PLXNA4: variants seen among roughly 807,000 people sequenced by gnomAD.
PLXNA4 encodes the protein plexin A4.
In PLXNA4, 44 loss-of-function variants were observed where a neutral mutation model predicts 191.8. That is an observed-to-expected ratio of 0.23 (90% CI 0.18 to 0.29). The LOEUF is 0.29. PLXNA4 is among the 10% of genes least tolerant of loss of function. PLXNA4 has a pLI of 1.00. For synonymous variants in PLXNA4, 1,082 were observed against 1,009.5 expected (o/e 1.07, Z -1.36); for missense variants, 1,800 against 2,488.8 (o/e 0.72, Z 5.89).
chr7:132,470,038 A>T (rs1280208424), intron 3 of PLXNA4, among the ~76,000 whole-genome samples: 1 of 152,206 alleles, frequency 6.6e-6, no homozygotes, highest in Non-Finnish European at 1.5e-5. Context: ...TGCCAGAGCC[A>T]CCAAAAGCCT....
At chr7:132,460,031 T>C (rs156944) in intron 3 of PLXNA4, among the ~76,000 whole-genome samples, 132,000 of 151,750 alleles carry the variant, frequency 0.87, 59,111 homozygotes, top group Non-Finnish European at 0.98. Context: ...AGAATACTTA[T>C]GGCTGTGTAC....
At chr7:132,607,327 C>G (rs962920538) in intron 2 of PLXNA4, among the ~76,000 whole-genome samples, 3 of 152,162 alleles carry the variant, frequency 2.0e-5, no homozygotes, top group Non-Finnish European at 4.4e-5. Context: ...TCCACCTTCT[C>G]CCCCTCCTGC....
rs1257288713 is a variant in PLXNA4 at position 132,407,784 on chromosome 7, C to T, written c.1371+81508G>A. Among the ~76,000 whole-genome samples, 4 of 152,182 alleles carry T rather than the reference C, an allele frequency of 2.6e-5. No individual in the cohort carries two copies. In the East Asian group the frequency reaches 7.7e-4, roughly 29 times the overall value. On this transcript the variant is annotated intron_variant, in intron 3 of 31. Transcript: ENST00000321063. Reference sequence around the variant, plus strand: ...GTTAAATGAAACTGTTTATTCATATCACAATCTCTGCTATGCCACAGAACA... The same window carrying T: ...GTTAAATGAAACTGTTTATTCATATTACAATCTCTGCTATGCCACAGAACA...
chr7:132,187,457 G>A lies in PLXNA4; in HGVS notation c.2993+14C>T. The stretch of plus-strand genomic sequence containing the variant: ...TCCCTCTCTGGTGCTGCAGAAAGGG[G>A]CCCTCTGAGTTACCTGTGGAAGAGA... On this transcript the variant is annotated intron_variant, in intron 15 of 31. Coordinates refer to ENST00000321063, the MANE Select transcript of PLXNA4 (RefSeq NM_020911.2). The A allele has an allele frequency of 6.2e-7, 1 of 1,609,120 alleles. No homozygotes were observed. The highest frequency in any genetic ancestry group is 8.5e-7 in the Non-Finnish European group (1 of 1,177,176).
At chr7:132,516,748 A>G (rs1798957818) in intron 1 of PLXNA4, among the ~76,000 whole-genome samples, 1 of 152,200 alleles carries the variant, frequency 6.6e-6, no homozygotes, top group Non-Finnish European at 1.5e-5. Context: ...ACTTGAGGTC[A>G]GGAGTTTGAG....
intron 2 of PLXNA4, among the ~76,000 whole-genome samples, chr7:132,499,286 A>G (rs1211687781): frequency 1.3e-5 from 2 of 152,262 alleles, no homozygotes; most frequent in East Asian, 3.8e-4. Context: ...CCCTGGGAAT[A>G]GTCTGGACAG....
chr7:132,296,084 G>A (rs1041381554), intron 4 of PLXNA4, among the ~76,000 whole-genome samples: 10 of 152,142 alleles, frequency 6.6e-5, no homozygotes, highest in Admixed American at 2.0e-4. Context: ...AAGCCCAGTG[G>A]AGACCAGTGT....
chr7:132,130,561 A>C lies in PLXNA4; in HGVS notation c.5603T>G (p.Leu1868Arg), dbSNP rs1178197564. The change falls in exon 32 of 32, where the codon CTG (leucine) becomes CGG (arginine). Residue 1868 changes from leucine to arginine, a missense_variant. By Grantham distance (102) the Leu-to-Arg change is moderately radical. Coordinates refer to ENST00000321063, the MANE Select transcript of PLXNA4 (RefSeq NM_020911.2). Reference protein sequence around the residue: ...GKYSEEILGPLDHDDQCGKQK... With the variant: ...GKYSEEILGPRDHDDQCGKQK... Reference sequence around the variant, plus strand: ...CTTCCCACACTGGTCATCGTGGTCCAGAGGTCCAAGGATCTGCGGAAGGGC... The same window carrying C: ...CTTCCCACACTGGTCATCGTGGTCCCGAGGTCCAAGGATCTGCGGAAGGGC... 1 of 1,614,140 alleles carries C rather than the reference A, an allele frequency of 6.2e-7. No individual in the cohort carries two copies.
chr7:132,290,540 C>T (rs186358585), intron 4 of PLXNA4, among the ~76,000 whole-genome samples: 105 of 152,250 alleles, frequency 6.9e-4, no homozygotes, highest in Non-Finnish European at 2.4e-4. Context: ...TATAGACATT[C>T]CCTTGGGGTT....
At chr7:132,628,572 A>AT (rs1803429822) in intron 2 of PLXNA4, among the ~76,000 whole-genome samples, 2 of 144,866 alleles carry the variant, frequency 1.4e-5, no homozygotes, top group Admixed American at 1.4e-4. Context: ...TCTCTCCCTC[A>AT]TTTCCTCTCT....
chr7:132,455,185 G>A (rs1030877521), intron 3 of PLXNA4, among the ~76,000 whole-genome samples: 14 of 152,286 alleles, frequency 9.2e-5, no homozygotes, highest in African/African-American at 2.4e-4. Flanking sequence ...TGGCTGTTCC[G>A]CTGTTTGCCT....
chr7:132,304,209 C>T (rs1196676112), intron 3 of PLXNA4, among the ~76,000 whole-genome samples: 1 of 152,134 alleles, frequency 6.6e-6, no homozygotes, highest in Non-Finnish European at 1.5e-5. Flanking sequence ...ATTTGATCAT[C>T]TTCCTGCAGC....
Position 132,489,483 on chromosome 7 carries a change from T to A in PLXNA4, c.1189-9A>T. On this transcript the variant is annotated splice_polypyrimidine_tract_variant and intron_variant, in intron 2 of 31. Coordinates refer to ENST00000321063, the MANE Select transcript of PLXNA4 (RefSeq NM_020911.2). ...TCGTCAATGGTTAAGAGCTGCAAAT[T>A]TTAAAAAGAGAAAAATTAGAAGGGA... The A allele has an allele frequency of 6.5e-7, 1 of 1,536,408 alleles. No homozygotes were observed. The highest frequency in any genetic ancestry group is 8.9e-7 in the Non-Finnish European group (1 of 1,126,244).
At chr7:132,168,833 A>C (rs575068849) in intron 21 of PLXNA4, among the ~76,000 whole-genome samples, 1 of 152,300 alleles carries the variant, frequency 6.6e-6, no homozygotes, top group South Asian at 2.1e-4. Flanking sequence ...GATGGCACTC[A>C]CTTCTGCCGG....
At chr7:132,249,700 A>C (rs1353055788) in intron 4 of PLXNA4, among the ~76,000 whole-genome samples, 3 of 152,234 alleles carry the variant, frequency 2.0e-5, no homozygotes, top group African/African-American at 7.2e-5. Context: ...AATTGAAATG[A>C]AGTTGGGGGC....
At chr7:132,240,914 A>T in intron 5 of PLXNA4, 152 bp downstream of exon 5, 1 of 538,616 alleles carries the variant, frequency 1.9e-6, no homozygotes. Flanking sequence ...AGGAAGGGAG[A>T]TAACATTTGG....
At chr7:132,622,573 T>C (rs1337109847) in intron 2 of PLXNA4, among the ~76,000 whole-genome samples, 2 of 152,030 alleles carry the variant, frequency 1.3e-5, no homozygotes, top group East Asian at 3.9e-4. Context: ...CTGGCCTATG[T>C]CACAGGTTAG....
At chr7:132,150,580 T>A (rs1015381086) in intron 25 of PLXNA4, among the ~76,000 whole-genome samples, 1 of 152,154 alleles carries the variant, frequency 6.6e-6, no homozygotes, top group Non-Finnish European at 1.5e-5. Flanking sequence ...AGGGATGCAA[T>A]GAACTCAGCT....
In PLXNA4 at chr7:132,610,485, C is replaced by T. The variant is rs35459944; in HGVS notation, c.-87+35443G>A. 5.4e-3 allele frequency among the ~76,000 whole-genome samples: 820 copies of T among 152,314 alleles called. 3 individuals are homozygous for T. The highest frequency in any genetic ancestry group is 8.5e-3 in the Non-Finnish European group (581 of 68,022). On this transcript the variant is annotated intron_variant, in intron 2 of 4. Coordinates refer to the PLXNA4 transcript ENST00000378539. ...CCCTCTCAAAGGTTCTTCCTAGTCC[C>T]CCCATCCCTGCTAAAAATAAAAGGC... is the stretch of plus-strand genomic sequence containing the variant.
Sources: allele counts gnomAD v4.1 joint callset (sites outside exome capture counted in the v4.1 genomes callset), GRCh38; gene constraint gnomAD v4.1.1; transcripts MANE v1.5; gene names NCBI Gene and HGNC (gene_info 2026-07-23, HGNC 2026-07-21).